FHIT: variants seen among roughly 807,000 people sequenced by gnomAD.
FHIT encodes fragile histidine triad diadenosine triphosphatase.
Under a neutral mutation model 17.9 loss-of-function variants are expected in FHIT, and 19 were observed. That is an observed-to-expected ratio of 1.06 (90% CI 0.74 to 1.56). The LOEUF is 1.56. Among genes scored for constraint, FHIT ranks in the 40% most tolerant of loss-of-function variants. The pLI, the probability that FHIT is intolerant of heterozygous loss-of-function variation, is 0.00. For missense variants in FHIT, 248 were observed against 189.2 expected, an observed-to-expected ratio of 1.31 and a Z score of -1.82; for synonymous variants, 81 against 69.7, an observed-to-expected ratio of 1.16 and a Z score of -0.81.
intron 5 of FHIT, among the ~76,000 whole-genome samples, chr3:60,178,845 C>T (rs571768153): frequency 1.3e-5 from 2 of 152,092 alleles, no homozygotes; most frequent in South Asian, 4.2e-4. Context: ...TATTAAAGAC[C>T]CTGAGAAGTT....
At chr3:59,854,270 G>A (rs1036450510) in intron 8 of FHIT, among the ~76,000 whole-genome samples, 62 of 152,106 alleles carry the variant, frequency 4.1e-4, no homozygotes, top group African/African-American at 1.3e-3. Context: ...TAACTCGCCC[G>A]GAAGCATTCC....
At chr3:60,052,753 A>C (rs1701932232) in intron 5 of FHIT, among the ~76,000 whole-genome samples, 1 of 148,450 alleles carries the variant, frequency 6.7e-6, no homozygotes, top group Non-Finnish European at 1.5e-5. Context: ...AAATATATAT[A>C]CATAGTGTAT....
chr3:60,732,329 A>G (rs2042047044), intron 4 of FHIT: 15 of 929,902 alleles, frequency 1.6e-5, no homozygotes, highest in Admixed American at 5.1e-5. Flanking sequence ...TGTTGGGTCC[A>G]GCATTTGCCA....
rs572173633 is a variant in FHIT at position 61,197,836 on chromosome 3, TCTC to T, written c.-164+2778_-164+2780del. Among the ~76,000 whole-genome samples, 9 of 152,108 alleles carry T rather than the reference TCTC, an allele frequency of 5.9e-5. No homozygotes were observed. In the South Asian group the frequency reaches 1.9e-3, roughly 32 times the overall value. ...GCCCCAGAAATTGGGAGGGATGACTTCTCCGCTTCTCTTCTCATTTCCAGCTCT... is the reference window on the plus strand; with the variant it reads ...GCCCCAGAAATTGGGAGGGATGACTTCGCTTCTCTTCTCATTTCCAGCTCT... On this transcript the variant is annotated intron_variant, in intron 2 of 9. Coordinates refer to ENST00000492590, the MANE Select transcript of FHIT (RefSeq NM_002012.4).
At chr3:60,106,218 C>A (rs1380631674) in intron 5 of FHIT, among the ~76,000 whole-genome samples, 1 of 152,156 alleles carries the variant, frequency 6.6e-6, no homozygotes, top group African/African-American at 2.4e-5. Context: ...GATAGCCCCA[C>A]AGAAGAGTAG....
chr3:61,250,595 G>A (rs1316231471), intron 1 of FHIT, among the ~76,000 whole-genome samples: 1 of 152,124 alleles, frequency 6.6e-6, no homozygotes, highest in Non-Finnish European at 1.5e-5. Flanking sequence ...CAGAATGTGA[G>A]CCTACAGAGA....
intron 7 of FHIT, among the ~76,000 whole-genome samples, chr3:59,932,134 G>A (rs1377798520): frequency 6.6e-6 from 1 of 152,276 alleles, no homozygotes; most frequent in East Asian, 1.9e-4. Context: ...AGGTGAGCAA[G>A]TGTCAATGCA....
intron 8 of FHIT, among the ~76,000 whole-genome samples, chr3:59,848,774 A>G (rs376995251): frequency 1.8e-4 from 28 of 152,330 alleles, no homozygotes; most frequent in African/African-American, 6.5e-4. Flanking sequence ...TATAAATGCC[A>G]TTGTAAAGCT....
chr3:59,779,846 A>T (rs1277406063), intron 8 of FHIT, among the ~76,000 whole-genome samples: 1 of 152,222 alleles, frequency 6.6e-6, no homozygotes, highest in Non-Finnish European at 1.5e-5. Context: ...TACATGAGGG[A>T]TAAACAAATT....
chr3:60,096,056 A>G lies in FHIT; in HGVS notation c.104-81904T>C, dbSNP rs568688169. ...TTTTTTCTTGATCACTTTGCAAGCC[A>G]GGGACCTCTGGCCAGTGACACCCTG... On this transcript the variant is annotated intron_variant, in intron 5 of 9. Transcript: ENST00000492590. 1.1e-3 allele frequency among the ~76,000 whole-genome samples: 172 copies of G among 152,318 alleles called. 1 individual carries two copies. Among genetic ancestry groups the G allele is most frequent in the Non-Finnish European group, 2.0e-3 (138 of 68,024 alleles).
intron 7 of FHIT, among the ~76,000 whole-genome samples, chr3:59,926,594 C>T (rs1187742352): frequency 2.0e-5 from 3 of 152,178 alleles, no homozygotes; most frequent in Non-Finnish European, 4.4e-5. Flanking sequence ...GGGGCAAAAT[C>T]AAGAGAGGGT....
chr3:60,953,602 A>T (rs111684347), intron 3 of FHIT, among the ~76,000 whole-genome samples: 75 of 152,282 alleles, frequency 4.9e-4, no homozygotes, highest in Middle Eastern at 3.4e-3. Context: ...TATCAGCTAA[A>T]TTTAGCTCCT....
intron 8 of FHIT, among the ~76,000 whole-genome samples, chr3:59,783,533 C>T (rs1308826128): frequency 6.6e-6 from 1 of 152,184 alleles, no homozygotes; most frequent in Non-Finnish European, 1.5e-5. Flanking sequence ...TGCCCTACCA[C>T]AGCCCTCTCT....
intron 4 of FHIT, among the ~76,000 whole-genome samples, chr3:60,589,050 A>T (rs2037996784): frequency 1.3e-5 from 2 of 152,046 alleles, no homozygotes; most frequent in South Asian, 4.1e-4. Flanking sequence ...TCTACCGGGC[A>T]GGTGACTCAC....
intron 5 of FHIT, among the ~76,000 whole-genome samples, chr3:60,066,305 C>T (rs953121350): frequency 5.3e-5 from 8 of 152,110 alleles, no homozygotes; most frequent in African/African-American, 1.9e-4. Context: ...AATGAATTTC[C>T]CAACGATATC....
intron 4 of FHIT, among the ~76,000 whole-genome samples, chr3:60,595,800 T>TG (rs2038251440): frequency 6.6e-6 from 1 of 150,888 alleles, no homozygotes; most frequent in Non-Finnish European, 1.5e-5. Flanking sequence ...TGCACCGCCA[T>TG]GCCTGGCTAA....
At chr3:60,850,129 A>G (rs1019074467) in intron 3 of FHIT, among the ~76,000 whole-genome samples, 1 of 151,960 alleles carries the variant, frequency 6.6e-6, no homozygotes, top group Non-Finnish European at 1.5e-5. Flanking sequence ...TTGAGGGGGC[A>G]TTTAGGAAGT....
At chr3:59,812,385 C>T (rs1700438273) in intron 8 of FHIT, among the ~76,000 whole-genome samples, 1 of 152,192 alleles carries the variant, frequency 6.6e-6, no homozygotes, top group Non-Finnish European at 1.5e-5. Context: ...GGGGCTAGAT[C>T]TGAGTCAGAC....
intron 2 of FHIT, among the ~76,000 whole-genome samples, chr3:61,098,779 G>C (rs930932665): frequency 3.3e-5 from 5 of 152,198 alleles, no homozygotes; most frequent in Non-Finnish European, 7.3e-5. Context: ...AGGAATGTTT[G>C]TGATTTTTGC....
Sources: allele counts gnomAD v4.1 joint callset (sites outside exome capture counted in the v4.1 genomes callset), GRCh38; gene constraint gnomAD v4.1.1; transcripts MANE v1.5; gene names NCBI Gene and HGNC (gene_info 2026-07-23, HGNC 2026-07-21).